RAD51B: variants seen among roughly 807,000 people sequenced by gnomAD.
The protein encoded by RAD51B is DNA repair protein RAD51 homolog 2.
RAD51B carries 38 observed loss-of-function variants against 42.2 expected under a neutral mutation model. That is an observed-to-expected ratio of 0.90 (90% CI 0.70 to 1.18). The LOEUF is 1.18. RAD51B is among the 50% of genes most tolerant of loss of function. The probability of loss-of-function intolerance (pLI) is 0.00; values close to 1 mark genes in which losing one functional copy is unlikely to be tolerated. For missense variants in RAD51B, 373 were observed against 400.7 expected, an observed-to-expected ratio of 0.93 and a Z score of 0.59; for synonymous variants, 154 against 145.2, an observed-to-expected ratio of 1.06 and a Z score of -0.43.
At chr14:67,947,545 T>C (rs773893873) in intron 7 of RAD51B, among the ~76,000 whole-genome samples, 18 of 152,214 alleles carry the variant, frequency 1.2e-4, no homozygotes, top group Non-Finnish European at 2.6e-4. Flanking sequence ...TTGTCTTTCT[T>C]TAGCTTCCAA....
At chr14:68,286,443 A>G (rs949388227) in intron 7 of RAD51B, among the ~76,000 whole-genome samples, 13 of 152,174 alleles carry the variant, frequency 8.5e-5, no homozygotes, top group Admixed American at 1.3e-4. Flanking sequence ...TCACATTCCA[A>G]CCTATTCTAT....
At chr14:68,506,616 A>G (rs190830420) in intron 10 of RAD51B, among the ~76,000 whole-genome samples, 1 of 152,278 alleles carries the variant, frequency 6.6e-6, no homozygotes, top group East Asian at 1.9e-4. Context: ...GATCGTGCTG[A>G]GTGGGCGCAA....
At chr14:68,476,094 T>C (rs1420692136) in intron 10 of RAD51B, among the ~76,000 whole-genome samples, 2 of 150,794 alleles carry the variant, frequency 1.3e-5, no homozygotes, top group African/African-American at 4.9e-5. Context: ...AGAATCTAGT[T>C]AGGAGAGATG....
At chr14:67,862,132 A>G (rs886683750) in intron 4 of RAD51B, among the ~76,000 whole-genome samples, 9 of 152,080 alleles carry the variant, frequency 5.9e-5, no homozygotes, top group African/African-American at 2.2e-4. Flanking sequence ...GTAGATTTTA[A>G]ATGTTCCCAC....
intron 7 of RAD51B, among the ~76,000 whole-genome samples, chr14:68,169,245 C>A (rs1595502797): frequency 6.6e-6 from 1 of 152,088 alleles, no homozygotes; most frequent in African/African-American, 2.4e-5. Context: ...GAGGAGGATA[C>A]AGTATAAAAG....
intron 7 of RAD51B, among the ~76,000 whole-genome samples, chr14:67,923,989 A>C (rs2044418449): frequency 6.6e-6 from 1 of 152,006 alleles, no homozygotes. Context: ...GATGTTGAGC[A>C]TTTTTTCATA....
intron 9 of RAD51B, among the ~76,000 whole-genome samples, chr14:68,448,685 G>A (rs2044324332): frequency 6.6e-6 from 1 of 152,100 alleles, no homozygotes; most frequent in African/African-American, 2.4e-5. Flanking sequence ...TTTTGGCATA[G>A]TCTGCTTTCA....
intron 5 of RAD51B, among the ~76,000 whole-genome samples, chr14:67,873,700 A>G (rs994194091): frequency 6.1e-5 from 9 of 148,646 alleles, no homozygotes; most frequent in Non-Finnish European, 1.2e-4. Flanking sequence ...AATGTCCAAC[A>G]ATGATAGACT....
intron 4 of RAD51B, among the ~76,000 whole-genome samples, chr14:67,850,127 C>G (rs543914883): frequency 6.6e-6 from 1 of 152,168 alleles, no homozygotes; most frequent in African/African-American, 2.4e-5. Flanking sequence ...TTCCAAGTAG[C>G]TGGGACTATA....
At chr14:68,375,289 G>A (rs1451439943) in intron 8 of RAD51B, among the ~76,000 whole-genome samples, 2 of 152,010 alleles carry the variant, frequency 1.3e-5, no homozygotes, top group Non-Finnish European at 2.9e-5. Context: ...GGGTGAGGTG[G>A]GGGAGCTCTG....
At chr14:68,376,286 AAAC>A (rs1447435622) in intron 8 of RAD51B, among the ~76,000 whole-genome samples, 1 of 152,084 alleles carries the variant, frequency 6.6e-6, no homozygotes, top group Non-Finnish European at 1.5e-5. Flanking sequence ...TCAACCCCCC[AAAC>A]CACACACTGA....
At chr14:67,961,339 G>C (rs1398275928) in intron 7 of RAD51B, among the ~76,000 whole-genome samples, 1 of 152,114 alleles carries the variant, frequency 6.6e-6, no homozygotes, top group Non-Finnish European at 1.5e-5. Flanking sequence ...TTTTGATGAA[G>C]AAATTTTCTG....
At chr14:67,831,703 AT>A (rs147190791) in intron 3 of RAD51B, among the ~76,000 whole-genome samples, 39 of 147,002 alleles carry the variant, frequency 2.7e-4, no homozygotes, top group East Asian at 6.0e-4. Flanking sequence ...TGCCCAGCTA[AT>A]TTTTTTTTTT....
chr14:68,050,311 A>G (rs932960382), intron 7 of RAD51B, among the ~76,000 whole-genome samples: 3 of 147,022 alleles, frequency 2.0e-5, no homozygotes, highest in Non-Finnish European at 4.5e-5. Flanking sequence ...CTTCCCCATC[A>G]CCCCCTTGAT....
chr14:67,943,425 A>G, intron 7 of RAD51B, among the ~76,000 whole-genome samples: 1 of 152,160 alleles, frequency 6.6e-6, no homozygotes, highest in East Asian at 1.9e-4. Flanking sequence ...TTCTGACTAA[A>G]GCCTACATTT....
At chr14:68,123,770 T>C (rs1023136731) in intron 7 of RAD51B, among the ~76,000 whole-genome samples, 1 of 152,200 alleles carries the variant, frequency 6.6e-6, no homozygotes, top group African/African-American at 2.4e-5. Context: ...ATTGCGCCAC[T>C]GCACTCCAGT....
chr14:67,935,978 T>C (rs1425707787), intron 7 of RAD51B, among the ~76,000 whole-genome samples: 1 of 152,210 alleles, frequency 6.6e-6, no homozygotes, highest in African/African-American at 2.4e-5. Context: ...CAAGAATATA[T>C]ATTAGAAAAT....
intron 4 of RAD51B, among the ~76,000 whole-genome samples, chr14:67,857,217 G>A (rs578017516): frequency 6.6e-6 from 1 of 152,150 alleles, no homozygotes; most frequent in African/African-American, 2.4e-5. Context: ...ATTTTTTTGA[G>A]TCTAGGAAGA....
intron 7 of RAD51B, among the ~76,000 whole-genome samples, chr14:68,178,143 CTT>C (rs755334162): frequency 3.9e-5 from 6 of 152,108 alleles, no homozygotes; most frequent in Non-Finnish European, 8.8e-5. Context: ...AACCCTATCT[CTT>C]TGCGGATCAA....
Sources: allele counts gnomAD v4.1 joint callset (sites outside exome capture counted in the v4.1 genomes callset), GRCh38; gene constraint gnomAD v4.1.1; transcripts MANE v1.5; gene names NCBI Gene and HGNC (gene_info 2026-07-23, HGNC 2026-07-21).